The following FBXL17 variants were observed in gnomAD, a reference collection of about 807,000 sequenced individuals.
FBXL17 encodes the protein F-box/LRR-repeat protein 17.
In FBXL17, 22 loss-of-function variants were observed where a neutral mutation model predicts 66.2. That is an observed-to-expected ratio of 0.33 (90% CI 0.24 to 0.47). The LOEUF is 0.47. Ranked by LOEUF, FBXL17 falls within the 20% of genes least tolerant of loss-of-function variation. The probability of loss-of-function intolerance (pLI) is 1.00; values close to 1 mark genes in which losing one functional copy is unlikely to be tolerated. For missense variants in FBXL17, 878 were observed against 948.2 expected (o/e 0.93, Z 0.97); for synonymous variants, 474 against 400.5 (o/e 1.18, Z -2.19).
intron 7 of FBXL17, among the ~76,000 whole-genome samples, chr5:107,947,804 A>T (rs1342634754): frequency 6.6e-6 from 1 of 152,124 alleles, no homozygotes; most frequent in Non-Finnish European, 1.5e-5. Context: ...CTTAGTAGAC[A>T]TTATCTGTAA....
At chr5:107,981,484 G>A (rs1752825848) in intron 7 of FBXL17, among the ~76,000 whole-genome samples, 1 of 152,200 alleles carries the variant, frequency 6.6e-6, no homozygotes, top group Admixed American at 6.5e-5. Context: ...GAGCAGAACG[G>A]AAAGAGCAGA....
At chr5:108,152,886 C>T (rs1751825241) in intron 6 of FBXL17, among the ~76,000 whole-genome samples, 1 of 152,104 alleles carries the variant, frequency 6.6e-6, no homozygotes, top group Non-Finnish European at 1.5e-5. Context: ...GCTGTGTCAC[C>T]ACCCAAATCT....
Position 107,965,450 on chromosome 5 carries a change from C to T in FBXL17, c.1822+55475G>A, listed in dbSNP as rs971825250. ...TGCCTGTTAAATCAATTCATTGTTT[C>T]GATTTATAAAAATGAATTAAAATAG... On this transcript the variant is annotated intron_variant, in intron 7 of 8. Coordinates refer to ENST00000542267, the MANE Select transcript of FBXL17 (RefSeq NM_001163315.3). Among the ~76,000 whole-genome samples, 12 of 152,114 alleles carry T rather than the reference C, an allele frequency of 7.9e-5. 1 individual carries two copies. The highest frequency in any genetic ancestry group is 5.8e-4 in the East Asian group (3 of 5,160).
intron 4 of FBXL17, among the ~76,000 whole-genome samples, chr5:108,342,537 T>C (rs550137042): frequency 2.6e-5 from 4 of 152,200 alleles, no homozygotes; most frequent in Non-Finnish European, 5.9e-5. Flanking sequence ...AGGGAGATAA[T>C]GTCTTTTGGA....
At chr5:107,955,157 A>T (rs889949906) in intron 7 of FBXL17, among the ~76,000 whole-genome samples, 22 of 152,156 alleles carry the variant, frequency 1.4e-4, no homozygotes, top group South Asian at 1.0e-3. Flanking sequence ...TTGATTTTTT[A>T]AAAAATTACA....
chr5:107,952,301 C>T (rs1296588107), intron 7 of FBXL17, among the ~76,000 whole-genome samples: 2 of 152,096 alleles, frequency 1.3e-5, no homozygotes, highest in African/African-American at 4.8e-5. Flanking sequence ...TTTTTTGTAT[C>T]ACTAATAGTC....
At chr5:108,371,537 G>A (rs1749037780) in intron 1 of FBXL17, among the ~76,000 whole-genome samples, 1 of 152,054 alleles carries the variant, frequency 6.6e-6, no homozygotes. Context: ...CCATTCACAA[G>A]AAAAAAGGAA....
At chr5:108,156,580 T>C (rs1271707794) in intron 6 of FBXL17, among the ~76,000 whole-genome samples, 1 of 151,946 alleles carries the variant, frequency 6.6e-6, no homozygotes, top group Admixed American at 6.6e-5. Context: ...AGCATCCTAT[T>C]AGGAATCAAT....
chr5:108,336,947 A>G (rs1039484648), intron 4 of FBXL17, among the ~76,000 whole-genome samples: 11 of 152,130 alleles, frequency 7.2e-5, no homozygotes, highest in South Asian at 2.1e-4. Flanking sequence ...ATTTTAAAAG[A>G]AACTCTTTCT....
At chr5:108,111,372 A>G (rs1037863543) in intron 6 of FBXL17, among the ~76,000 whole-genome samples, 1 of 152,206 alleles carries the variant, frequency 6.6e-6, no homozygotes, top group Non-Finnish European at 1.5e-5. Context: ...TGTTACATTT[A>G]AAGTTTTTTG....
At chr5:107,932,561 T>TA (rs2112577155) in intron 7 of FBXL17, among the ~76,000 whole-genome samples, 1 of 152,272 alleles carries the variant, frequency 6.6e-6, no homozygotes, top group African/African-American at 2.4e-5. Context: ...ACAGATATAA[T>TA]AAAACAAATG....
intron 7 of FBXL17, among the ~76,000 whole-genome samples, chr5:107,935,643 T>C (rs906924244): frequency 6.6e-6 from 1 of 152,130 alleles, no homozygotes; most frequent in Admixed American, 6.6e-5. Context: ...AATTACATCA[T>C]TATTTTTTCT....
chr5:108,055,309 A>AAAAAAAC (rs1561388295), intron 6 of FBXL17, among the ~76,000 whole-genome samples: 915 of 22,488 alleles, frequency 0.041, 33 homozygotes, highest in African/African-American at 0.16. Context: ...AAAAAAAAAA[A>AAAAAAAC]AAAAGAAAAA....
At chr5:108,005,317 G>C (rs1178396689) in intron 7 of FBXL17, among the ~76,000 whole-genome samples, 1 of 152,158 alleles carries the variant, frequency 6.6e-6, no homozygotes, top group Non-Finnish European at 1.5e-5. Flanking sequence ...AGAGGCTGGA[G>C]GGGAGGATTT....
At chr5:108,108,625 T>A (rs1277265575) in intron 6 of FBXL17, among the ~76,000 whole-genome samples, 6 of 152,182 alleles carry the variant, frequency 3.9e-5, no homozygotes, top group Admixed American at 3.3e-4. Flanking sequence ...AGTTTTCTAC[T>A]GTAAAAAAAT....
intron 1 of FBXL17, among the ~76,000 whole-genome samples, chr5:108,370,010 C>G (rs1288113282): frequency 1.3e-5 from 2 of 152,058 alleles, no homozygotes; most frequent in African/African-American, 4.8e-5. Context: ...GACAGGACAC[C>G]AATGCACCAC....
chr5:108,260,905 G>A lies in FBXL17; in HGVS notation c.1507-36677C>T, dbSNP rs138394389. 5.1e-3 allele frequency among the ~76,000 whole-genome samples: 777 copies of A among 152,260 alleles called. 8 individuals carry two copies. The highest frequency in any genetic ancestry group is 0.018 in the African/African-American group (735 of 41,542). The stretch of plus-strand genomic sequence containing the variant: ...ATAACTGAAAAATCTGCGATCCCCT[G>A]ATTGTCTTGTGTAGAGGTTGTATGT... On this transcript the variant is annotated intron_variant, in intron 4 of 8. Coordinates refer to ENST00000542267, the MANE Select transcript of FBXL17 (RefSeq NM_001163315.3).
rs534579331 is a variant in FBXL17, at chr5:108,031,640, GTAAACT to G, written c.1746-10645_1746-10640del. 6.8e-4 allele frequency among the ~76,000 whole-genome samples: 104 copies of G among 152,162 alleles called. 1 individual carries two copies. In the South Asian group the frequency reaches 0.021, roughly 31 times the overall value. On this transcript the variant is annotated intron_variant, in intron 6 of 8. Transcript: ENST00000542267. ...TGTCCTCCCACTTCTTAATAGCATT[GTAAACT>G]TAATCCATGAGAAACTGGTCTCTCA...
At chr5:108,188,818 A>G (rs1753342884) in intron 5 of FBXL17, among the ~76,000 whole-genome samples, 1 of 152,170 alleles carries the variant, frequency 6.6e-6, no homozygotes, top group South Asian at 2.1e-4. Context: ...CCTGTTTCCT[A>G]TATCTTACCT....
Sources: allele counts gnomAD v4.1 joint callset (sites outside exome capture counted in the v4.1 genomes callset), GRCh38; gene constraint gnomAD v4.1.1; transcripts MANE v1.5; gene names NCBI Gene and HGNC (gene_info 2026-07-23, HGNC 2026-07-21).